Variants in COX10 observed in about 807,000 individuals in gnomAD.
COX10 encodes protoheme IX farnesyltransferase, mitochondrial.
COX10 carries 27 observed loss-of-function variants against 37.3 expected under a neutral mutation model. That is an observed-to-expected ratio of 0.72 (90% CI 0.53 to 1.00). The LOEUF is 1.00. COX10 is among the 50% of genes least tolerant of loss of function. The pLI is 0.00. For synonymous variants in COX10, 222 were observed against 229.1 expected (o/e 0.97, Z 0.28); for missense variants, 475 against 563.2 (o/e 0.84, Z 1.59).
intron 5 of COX10, among the ~76,000 whole-genome samples, chr17:14,186,849 T>A (rs1017015266): frequency 1.3e-5 from 2 of 152,098 alleles, no homozygotes; most frequent in African/African-American, 4.8e-5. Context: ...GTTGGGAGAC[T>A]CTGGGTTAAA....
Position 14,076,758 on chromosome 17 carries a change from C to G in COX10, c.201C>G (p.Ser67Arg), listed in dbSNP as rs747203011. Residue 67 changes from serine to arginine, a missense_variant, in exon 3 of 7, where the codon AGC (serine) becomes AGG (arginine). Physicochemically the swap from Ser to Arg is moderately radical, Grantham distance 110 (BLOSUM62 -1). This residue lies in a region of COX10 where 242 missense variants were observed against 242.5 expected (regional missense o/e 1.00). Transcript: ENST00000261643. ...AGTATGTCACACAGCTGAACAGAAG[C>G]CACAACCAGCAAGTAAGACCCAAGC... ...KRMYVTQLNR[S>R]HNQQVRPKPE... 6.2e-7 allele frequency: 1 copy of G among 1,614,114 alleles called. No individual in the cohort carries two copies. The highest frequency in any genetic ancestry group is 1.7e-5 in the Admixed American group (1 of 60,012).
chr17:14,143,548 G>A (rs1363726513), intron 4 of COX10, among the ~76,000 whole-genome samples: 1 of 152,082 alleles, frequency 6.6e-6, no homozygotes, highest in Non-Finnish European at 1.5e-5. Flanking sequence ...TTAAAGAGAG[G>A]TTTCAAGTCG....
rs1444990965 is a variant in COX10, at chr17:14,159,906, G to C, written c.654G>C (p.Met218Ile). The change falls in exon 5 of 7, where the codon ATG becomes ATC. Residue 218 changes from methionine (M) to isoleucine (I), a missense_variant. Physicochemically the swap from Met to Ile is conservative, Grantham distance 10. Coordinates refer to ENST00000261643, the MANE Select transcript of COX10 (RefSeq NM_001303.4). ...TTGAGGTGCCATTTGACTCAAACAT[G>C]AATAGGACAAAGAACAGACCGCTGG... ...QFFEVPFDSN[M>I]NRTKNRPLVR... is the part of the protein sequence containing the mutation. 1 of 1,612,514 alleles carries C rather than the reference G, an allele frequency of 6.2e-7. No homozygotes were observed.
chr17:14,133,370 G>A (rs1053712494), intron 4 of COX10, among the ~76,000 whole-genome samples: 3 of 151,542 alleles, frequency 2.0e-5, no homozygotes, highest in African/African-American at 4.8e-5. Context: ...TTCAAATTAT[G>A]AAATAGTTTT....
intron 5 of COX10, among the ~76,000 whole-genome samples, chr17:14,174,456 CAAAA>C (rs61593222): frequency 2.8e-3 from 186 of 66,170 alleles, no homozygotes; most frequent in Non-Finnish European, 5.0e-3. Flanking sequence ...AAGACCCTGT[CAAAA>C]AAAAAAAAAA....
chr17:14,075,991 C>CAAA (rs71147838), intron 2 of COX10, among the ~76,000 whole-genome samples: 17 of 83,408 alleles, frequency 2.0e-4, no homozygotes, highest in African/African-American at 7.8e-4. Context: ...GGCTCCATCT[C>CAAA]AAAAAAAAAA....
At chr17:14,171,626 C>T (rs1905471220) in intron 5 of COX10, among the ~76,000 whole-genome samples, 1 of 151,694 alleles carries the variant, frequency 6.6e-6, no homozygotes, top group Non-Finnish European at 1.5e-5. Flanking sequence ...ATAAGCCATT[C>T]TGCCTGTTCC....
chr17:14,169,673 G>A (rs1348501656), intron 5 of COX10, among the ~76,000 whole-genome samples: 1 of 152,218 alleles, frequency 6.6e-6, no homozygotes, highest in Non-Finnish European at 1.5e-5. Flanking sequence ...TTGTTGTAAT[G>A]AGGGAGTTAG....
intron 3 of COX10, among the ~76,000 whole-genome samples, chr17:14,090,354 G>A (rs1201212011): frequency 6.6e-6 from 1 of 152,072 alleles, no homozygotes; most frequent in Non-Finnish European, 1.5e-5. Context: ...TTACAAGATT[G>A]TCTCTTATAC....
chr17:14,098,707 T>C (rs560780655), intron 3 of COX10, among the ~76,000 whole-genome samples: 28 of 152,292 alleles, frequency 1.8e-4, no homozygotes, highest in Middle Eastern at 3.4e-3. Context: ...GGGTAAAATA[T>C]ACCTGCGACT....
chr17:14,071,450 T>A (rs903190800), intron 1 of COX10, among the ~76,000 whole-genome samples: 1 of 152,166 alleles, frequency 6.6e-6, no homozygotes, highest in Admixed American at 6.5e-5. Context: ...ATTTGGAAGA[T>A]CTACTAAGAG....
chr17:14,138,615 C>T (rs1023931922), intron 4 of COX10, among the ~76,000 whole-genome samples: 1 of 152,142 alleles, frequency 6.6e-6, no homozygotes, highest in African/African-American at 2.4e-5. Context: ...GTGTCCTGTA[C>T]CCCAGTGCCT....
At chr17:14,201,275 G>C (rs932616725) in intron 6 of COX10, among the ~76,000 whole-genome samples, 1 of 152,206 alleles carries the variant, frequency 6.6e-6, no homozygotes, top group African/African-American at 2.4e-5. Flanking sequence ...ACCTTATCTT[G>C]ATGAAGAAAG....
At chr17:14,080,404 G>A (rs1346281418) in intron 3 of COX10, among the ~76,000 whole-genome samples, 3 of 151,610 alleles carry the variant, frequency 2.0e-5, no homozygotes, top group Non-Finnish European at 2.9e-5. Context: ...TAGTAGAGAC[G>A]GGGTTTCACC....
At chr17:14,119,744 C>T (rs543899821) in intron 4 of COX10, among the ~76,000 whole-genome samples, 88 of 152,172 alleles carry the variant, frequency 5.8e-4, no homozygotes, top group Non-Finnish European at 8.5e-4. Context: ...AAACTGAGAG[C>T]CCTGTGATGA....
At chr17:14,102,988 A>G (rs1915818856) in intron 4 of COX10, among the ~76,000 whole-genome samples, 1 of 152,202 alleles carries the variant, frequency 6.6e-6, no homozygotes, top group East Asian at 1.9e-4. Flanking sequence ...GAGTGGACAT[A>G]TAAGTTGCTA....
intron 4 of COX10, among the ~76,000 whole-genome samples, chr17:14,149,424 T>C (rs1170335398): frequency 7.2e-5 from 11 of 152,170 alleles, no homozygotes; most frequent in Admixed American, 7.2e-4. Flanking sequence ...CTTCTCACTT[T>C]TTTGTAATAA....
intron 3 of COX10, among the ~76,000 whole-genome samples, chr17:14,101,371 C>T (rs1915776963): frequency 6.6e-6 from 1 of 152,164 alleles, no homozygotes; most frequent in Non-Finnish European, 1.5e-5. Context: ...TGAAGCTTTC[C>T]CAGATTTGCC....
At chr17:14,186,779 A>T (rs1906041702) in intron 5 of COX10, among the ~76,000 whole-genome samples, 1 of 152,098 alleles carries the variant, frequency 6.6e-6, no homozygotes, top group South Asian at 2.1e-4. Context: ...CCAGGCCCTC[A>T]GCAGACCCAG....
Sources: gnomAD v4.1 joint callset for allele counts (sites outside exome capture counted in the v4.1 genomes callset) on GRCh38, gnomAD v4.1.1 for gene constraint, gnomAD v4.1.1 regional missense constraint, MANE v1.5 for transcripts, NCBI Gene and HGNC (gene_info 2026-07-23, HGNC 2026-07-21) for gene names.